EPS15L1: variants seen among roughly 807,000 people sequenced by gnomAD.
EPS15L1 encodes epidermal growth factor receptor substrate 15-like 1.
EPS15L1 carries 43 observed loss-of-function variants against 117.1 expected under a neutral mutation model. The observed-to-expected ratio is 0.37, with a 90% CI of 0.29 to 0.47. The LOEUF (loss-of-function observed/expected upper bound fraction) is 0.47, where lower values mean the gene tolerates loss of function less well. EPS15L1 is among the 20% of genes least tolerant of loss of function. EPS15L1 has a pLI of 0.99. For synonymous variants in EPS15L1, 459 were observed against 470.5 expected (o/e 0.98, Z 0.32); for missense variants, 981 against 1,164.0 (o/e 0.84, Z 2.29).
chr19:16,414,281 A>G (rs1484104605), intron 12 of EPS15L1, among the ~76,000 whole-genome samples: 1 of 152,258 alleles, frequency 6.6e-6, no homozygotes, highest in East Asian at 1.9e-4. Context: ...GATTCTGCCA[A>G]CACCTGAATG....
intron 17 of EPS15L1, 35 bp from the exon 18 acceptor site, chr19:16,394,036 T>C (rs181192197): frequency 2.4e-4 from 381 of 1,609,074 alleles, no homozygotes; most frequent in Middle Eastern, 6.6e-4. Flanking sequence ...TTATTAGCTC[T>C]AGGGCACAGG....
intron 19 of EPS15L1, among the ~76,000 whole-genome samples, chr19:16,386,838 T>A (rs2092425210): frequency 6.6e-6 from 1 of 152,222 alleles, no homozygotes; most frequent in Non-Finnish European, 1.5e-5. Context: ...CATCTGCTGG[T>A]GAGTGTCTGC....
At chr19:16,388,792 ACT>A (rs1191139166) in intron 19 of EPS15L1, among the ~76,000 whole-genome samples, 1 of 152,122 alleles carries the variant, frequency 6.6e-6, no homozygotes, top group Non-Finnish European at 1.5e-5. Context: ...ACGCCACTGC[ACT>A]CCAGCCTGGG....
In EPS15L1 at chr19:16,418,092, A is replaced by G; in HGVS notation, c.963T>C (p.Asp321=). The G allele has an allele frequency of 6.2e-7, 1 of 1,613,664 alleles. No homozygotes were observed. The highest frequency in any genetic ancestry group is 8.5e-7 in the Non-Finnish European group (1 of 1,179,678). The change falls in exon 11 of 24, where the codon GAT becomes GAC. Residue 321 remains aspartate, a synonymous_variant. Coordinates refer to ENST00000455140, the MANE Select transcript of EPS15L1 (RefSeq NM_001258374.3). ...TGCTTAACTTCCCCGTTTGCCTCGT[A>G]TCGGCCAGGGCCCTGGGAGAAACGT... ...NLLAHIWALA[D]TRQTGKLSKD... is the part of the protein sequence containing the mutation.
intron 1 of EPS15L1, among the ~76,000 whole-genome samples, chr19:16,447,339 G>A (rs534441729): frequency 5.9e-5 from 9 of 152,310 alleles, no homozygotes; most frequent in African/African-American, 2.2e-4. Flanking sequence ...CTTGGCAAGT[G>A]AAAAGAGAGC....
intron 19 of EPS15L1, among the ~76,000 whole-genome samples, chr19:16,389,125 C>T (rs1484003045): frequency 1.3e-5 from 2 of 151,064 alleles, no homozygotes; most frequent in Admixed American, 1.3e-4. Flanking sequence ...ATCGCTTGAA[C>T]TTGGGAGGCG....
chr19:16,369,832 C>T (rs925763371), intron 22 of EPS15L1, among the ~76,000 whole-genome samples: 1 of 152,174 alleles, frequency 6.6e-6, no homozygotes, highest in East Asian at 1.9e-4. Context: ...TGTTCTCTGG[C>T]GGGCACCTTT....
At chr19:16,443,093 G>GT (rs1205341064) in intron 1 of EPS15L1, among the ~76,000 whole-genome samples, 2 of 152,194 alleles carry the variant, frequency 1.3e-5, no homozygotes, top group Non-Finnish European at 2.9e-5. Flanking sequence ...TGGTGTTTTA[G>GT]TAAGTGAGGT....
intron 1 of EPS15L1, among the ~76,000 whole-genome samples, chr19:16,449,138 G>A (rs772937822): frequency 6.6e-6 from 1 of 151,694 alleles, no homozygotes. Flanking sequence ...GCCAGGCGTC[G>A]TGGTGCACAC....
Position 16,440,906 on chromosome 19 carries a change from A to G in EPS15L1, c.169T>C (p.Trp57Arg). 3 of 1,614,160 alleles carry G rather than the reference A, an allele frequency of 1.9e-6. No homozygotes were observed. Among genetic ancestry groups the G allele is most frequent in the Non-Finnish European group, 2.5e-6 (3 of 1,179,992 alleles). The change falls in exon 4 of 24, where the codon TGG (tryptophan) becomes CGG (arginine). Residue 57 changes from tryptophan (W) to arginine (R), a missense_variant. Physicochemically the swap from Trp to Arg is moderately radical, Grantham distance 101. This residue lies in a region of EPS15L1 where 62 missense variants were observed against 104.2 expected (regional missense o/e 0.59). Transcript: ENST00000455140. ...GLSDIILGKI[W>R]DLADPEGKGF... The stretch of plus-strand genomic sequence containing the variant: ...TTACCTTCTGGATCGGCCAAGTCCC[A>G]TATCTGCGGAAACACAAAAATGCTC...
At chr19:16,408,592 A>G (rs1461676046) in intron 13 of EPS15L1, among the ~76,000 whole-genome samples, 1 of 151,556 alleles carries the variant, frequency 6.6e-6, no homozygotes, top group East Asian at 1.9e-4. Flanking sequence ...CCCAGGAGGT[A>G]GTGGTTGCAG....
At chr19:16,460,357 C>T (rs1234669003) in intron 1 of EPS15L1, among the ~76,000 whole-genome samples, 1 of 152,172 alleles carries the variant, frequency 6.6e-6, no homozygotes, top group African/African-American at 2.4e-5. Context: ...CAATTTTACA[C>T]ACAGCAGATA....
chr19:16,419,822 G>A (rs1482205724), intron 10 of EPS15L1, among the ~76,000 whole-genome samples: 1 of 152,222 alleles, frequency 6.6e-6, no homozygotes, highest in Non-Finnish European at 1.5e-5. Context: ...GTCTGCCCCT[G>A]CGGGCCCCAG....
At chr19:16,445,284 T>G (rs2093072368) in intron 1 of EPS15L1, among the ~76,000 whole-genome samples, 2 of 152,168 alleles carry the variant, frequency 1.3e-5, no homozygotes, top group South Asian at 4.2e-4. Context: ...CTCGAACACT[T>G]GATGACCACC....
At chr19:16,458,458 C>T (rs187709565) in intron 1 of EPS15L1, among the ~76,000 whole-genome samples, 4 of 151,286 alleles carry the variant, frequency 2.6e-5, no homozygotes, top group Non-Finnish European at 5.9e-5. Context: ...CCCGCCCCCA[C>T]CCCGCTTGCC....
At chr19:16,421,956 C>G (rs1379897200) in intron 9 of EPS15L1, among the ~76,000 whole-genome samples, 1 of 152,196 alleles carries the variant, frequency 6.6e-6, no homozygotes, top group Admixed American at 6.5e-5. Context: ...TGAAGACCAC[C>G]CTTCTATGTC....
chr19:16,424,411 G>A (rs1361859087), intron 9 of EPS15L1, among the ~76,000 whole-genome samples: 4 of 152,090 alleles, frequency 2.6e-5, no homozygotes, highest in Non-Finnish European at 5.9e-5. Context: ...AGAGAGGTGG[G>A]TTATGACGCT....
chr19:16,388,825 CA>C (rs1479518720), intron 19 of EPS15L1, among the ~76,000 whole-genome samples: 3 of 151,762 alleles, frequency 2.0e-5, no homozygotes, highest in Non-Finnish European at 4.4e-5. Context: ...AACTCTGTCT[CA>C]AAAAAACAAA....
At chr19:16,428,057 T>A (rs981617485) in intron 8 of EPS15L1, among the ~76,000 whole-genome samples, 1 of 146,296 alleles carries the variant, frequency 6.8e-6, no homozygotes, top group Non-Finnish European at 1.5e-5. Flanking sequence ...AAAAATGAGG[T>A]GGGCATAGTG....
Sources: allele counts gnomAD v4.1 joint callset (sites outside exome capture counted in the v4.1 genomes callset), GRCh38; gene constraint gnomAD v4.1.1; regional missense constraint gnomAD v4.1.1; transcripts MANE v1.5; gene names NCBI Gene and HGNC (gene_info 2026-07-23, HGNC 2026-07-21).